Variants in TBC1D5 observed in about 807,000 individuals in gnomAD.
The protein encoded by TBC1D5 is TBC1 domain family, member 5.
TBC1D5 carries 75 observed loss-of-function variants against 100.3 expected under a neutral mutation model. That is an observed-to-expected ratio of 0.75 (90% CI 0.62 to 0.91). The LOEUF (loss-of-function observed/expected upper bound fraction) is 0.91, where lower values mean the gene tolerates loss of function less well. Ranked by LOEUF, TBC1D5 falls within the 40% of genes least tolerant of loss-of-function variation. The probability of loss-of-function intolerance (pLI) is 0.00; values close to 1 mark genes in which losing one functional copy is unlikely to be tolerated. For synonymous variants in TBC1D5, 323 were observed against 325.6 expected (o/e 0.99, Z 0.09); for missense variants, 910 against 942.4 (o/e 0.97, Z 0.45).
chr3:17,222,034 T>C (rs915353463), intron 17 of TBC1D5, among the ~76,000 whole-genome samples: 6 of 152,198 alleles, frequency 3.9e-5, no homozygotes, highest in Admixed American at 6.6e-5. Context: ...TCGGACTTAC[T>C]GAATGTTGGA....
At chr3:17,478,783 C>A (rs993568234) in intron 3 of TBC1D5, among the ~76,000 whole-genome samples, 1 of 152,116 alleles carries the variant, frequency 6.6e-6, no homozygotes, top group South Asian at 2.1e-4. Context: ...GCTGACATCA[C>A]CATGTAAACA....
intron 18 of TBC1D5, among the ~76,000 whole-genome samples, 198 bp downstream of exon 19, chr3:17,214,009 T>TG (rs2073309684): frequency 6.6e-6 from 1 of 151,146 alleles, no homozygotes; most frequent in Non-Finnish European, 1.5e-5. Context: ...TACTTTTTTT[T>TG]TTTTCCAGTG....
At chr3:17,158,349 C>A (rs1321324122) in exon 22 of TBC1D5, 1 of 151,968 alleles carries the variant, frequency 6.6e-6, no homozygotes, top group Non-Finnish European at 1.5e-5. Flanking sequence ...TAACAAAACA[C>A]AATATATTCA....
intron 1 of TBC1D5, among the ~76,000 whole-genome samples, chr3:17,702,697 G>A (rs1243154223): frequency 6.6e-6 from 1 of 152,122 alleles, no homozygotes; most frequent in Non-Finnish European, 1.5e-5. Context: ...ATATGAACGA[G>A]ATTGATGAAC....
At chr3:17,668,649 C>T (rs1266068687) in intron 1 of TBC1D5, among the ~76,000 whole-genome samples, 1 of 152,144 alleles carries the variant, frequency 6.6e-6, no homozygotes, top group African/African-American at 2.4e-5. Flanking sequence ...CCATAGGCCA[C>T]TTCCAGTGAG....
chr3:17,613,446 T>C (rs2061857002), intron 2 of TBC1D5, among the ~76,000 whole-genome samples: 2 of 152,218 alleles, frequency 1.3e-5, no homozygotes, highest in South Asian at 4.1e-4. Flanking sequence ...TTTTAGATCC[T>C]TCAGGAATCG....
intron 4 of TBC1D5, among the ~76,000 whole-genome samples, chr3:17,420,126 G>A (rs2094173620): frequency 6.6e-6 from 1 of 151,930 alleles, no homozygotes; most frequent in South Asian, 2.1e-4. Context: ...TGGGTCTTGA[G>A]GGTTTAGCAC....
Position 17,488,349 on chromosome 3 carries a change from T to A in TBC1D5, c.97+20125A>T, listed in dbSNP as rs114306741. On this transcript the variant is annotated intron_variant, in intron 3 of 21. Transcript: ENST00000253692. ...TCACTGAATAATTCCATTGCATACATGTACCAGAGTTTGTTAATCCATTAT... is the reference window on the plus strand; with the variant it reads ...TCACTGAATAATTCCATTGCATACAAGTACCAGAGTTTGTTAATCCATTAT... Among the ~76,000 whole-genome samples, 723 of 152,338 alleles carry A rather than the reference T, an allele frequency of 4.7e-3. 4 individuals are homozygous for A. The highest frequency in any genetic ancestry group is 8.5e-3 in the Non-Finnish European group (579 of 68,034).
intron 3 of TBC1D5, among the ~76,000 whole-genome samples, chr3:17,472,347 C>A (rs767761863): frequency 2.6e-4 from 39 of 151,968 alleles, no homozygotes; most frequent in Non-Finnish European, 3.7e-4. Flanking sequence ...ACCTTGTTGG[C>A]CAGGATGGTC....
At chr3:17,719,623 T>C (rs2075529898) in intron 1 of TBC1D5, among the ~76,000 whole-genome samples, 2 of 152,182 alleles carry the variant, frequency 1.3e-5, no homozygotes, top group Non-Finnish European at 1.5e-5. Context: ...GCTATTCCTA[T>C]GAGGACTGAC....
chr3:17,528,812 A>G (rs2056099256), intron 2 of TBC1D5, among the ~76,000 whole-genome samples: 1 of 152,214 alleles, frequency 6.6e-6, no homozygotes, highest in Non-Finnish European at 1.5e-5. Context: ...GTAGAAACAA[A>G]TATTTGAAAA....
At chr3:17,396,960 T>G (rs2093523364) in intron 8 of TBC1D5, among the ~76,000 whole-genome samples, 1 of 152,122 alleles carries the variant, frequency 6.6e-6, no homozygotes, top group African/African-American at 2.4e-5. Context: ...CAAAGAACTT[T>G]CTGTAAGAAT....
At chr3:17,305,489 G>A (rs2083308080) in intron 14 of TBC1D5, among the ~76,000 whole-genome samples, 1 of 152,142 alleles carries the variant, frequency 6.6e-6, no homozygotes, top group Non-Finnish European at 1.5e-5. Flanking sequence ...CCTATTCTTT[G>A]CAGGTGGCAT....
intron 17 of TBC1D5, 55 bp from the exon 19 acceptor site, chr3:17,214,425 TTC>T: frequency 1.3e-6 from 2 of 1,542,338 alleles, no homozygotes; most frequent in Admixed American, 3.8e-5. Flanking sequence ...CACTAAGCTA[TTC>T]GATCTACTGT....
chr3:17,257,243 T>TA lies in TBC1D5; in HGVS notation c.1331+1262dup, dbSNP rs143608458. Among the ~76,000 whole-genome samples, 1,351 of 152,292 alleles carry TA rather than the reference T, an allele frequency of 8.9e-3. 16 individuals carry two copies. Among genetic ancestry groups the TA allele is most frequent in the African/African-American group, 0.031 (1,275 of 41,560 alleles). On this transcript the variant is annotated intron_variant, in intron 16 of 21. Coordinates refer to ENST00000253692, the Ensembl canonical transcript of TBC1D5. Reference sequence around the variant, plus strand: ...AAAGGTCTTGTATAAAGAAAAAGACTAACATACTTTGTTCTTTTAAACATA... The same window carrying TA: ...AAAGGTCTTGTATAAAGAAAAAGACTAAACATACTTTGTTCTTTTAAACATA...
chr3:17,628,160 G>A (rs1475536236), intron 1 of TBC1D5, among the ~76,000 whole-genome samples: 2 of 152,064 alleles, frequency 1.3e-5, no homozygotes, highest in Non-Finnish European at 2.9e-5. Context: ...CCTGAGACCA[G>A]GAGTTTAAGA....
chr3:17,399,433 T>C (rs906768433), intron 8 of TBC1D5, among the ~76,000 whole-genome samples: 4 of 152,262 alleles, frequency 2.6e-5, no homozygotes, highest in Admixed American at 2.0e-4. Flanking sequence ...CTACACATAA[T>C]GATCCCCTAA....
At chr3:17,396,422 AG>A (rs1212284081) in intron 8 of TBC1D5, among the ~76,000 whole-genome samples, 4 of 151,990 alleles carry the variant, frequency 2.6e-5, no homozygotes, top group African/African-American at 9.7e-5. Context: ...TTCTTCCCAG[AG>A]GAATTTGTTT....
chr3:17,686,147 T>C (rs1196989582), intron 1 of TBC1D5, among the ~76,000 whole-genome samples: 1 of 152,136 alleles, frequency 6.6e-6, no homozygotes, highest in Non-Finnish European at 1.5e-5. Flanking sequence ...TCTAATGCTA[T>C]CTTCAATCTG....
Sources: allele counts gnomAD v4.1 joint callset (sites outside exome capture counted in the v4.1 genomes callset), GRCh38; gene constraint gnomAD v4.1.1; transcripts MANE v1.5; gene names NCBI Gene and HGNC (gene_info 2026-07-23, HGNC 2026-07-21).